The following COP1 variants were observed in gnomAD, a reference collection of about 807,000 sequenced individuals.
COP1 encodes E3 ubiquitin-protein ligase COP1.
In COP1, 24 loss-of-function variants were observed where a neutral mutation model predicts 101.3. The ratio of observed to expected loss-of-function variants is 0.24; its 90% CI spans 0.17 to 0.33. COP1 has a LOEUF of 0.33. COP1 is among the 10% of genes least tolerant of loss of function. The pLI is 1.00. For missense variants in COP1, 663 were observed against 906.2 expected (o/e 0.73, Z 3.45); for synonymous variants, 347 against 341.9 (o/e 1.01, Z -0.17).
At chr1:176,000,971 C>T (rs574251094) in intron 15 of COP1, among the ~76,000 whole-genome samples, 3 of 152,182 alleles carry the variant, frequency 2.0e-5, no homozygotes, top group East Asian at 3.9e-4. Flanking sequence ...CTCCTTTCCT[C>T]CCCAACCTTT....
intron 8 of COP1, among the ~76,000 whole-genome samples, chr1:176,122,779 T>C (rs1687359313): frequency 6.6e-6 from 1 of 152,202 alleles, no homozygotes. Flanking sequence ...GAGCAGCTCA[T>C]TTGAAAGTTT....
At chr1:175,996,310 T>C (rs1271016525) in intron 15 of COP1, among the ~76,000 whole-genome samples, 1 of 152,244 alleles carries the variant, frequency 6.6e-6, no homozygotes, top group Non-Finnish European at 1.5e-5. Context: ...GGGCAAAAAC[T>C]GGAAGCATTC....
chr1:176,043,800 A>T lies in COP1; in HGVS notation c.1440T>A (p.Ser480Arg). Residue 480 changes from serine to arginine, a missense_variant, in exon 13 of 20, where the codon AGT (serine) becomes AGA (arginine). Transcript: ENST00000367669. ...NSKISCISWSSYHKNLLASSD... is the reference protein window; with the variant it reads ...NSKISCISWSRYHKNLLASSD... The stretch of plus-strand genomic sequence containing the variant: ...TGCTAGCTAACAGGTTCTTATGGTA[A>T]CTACTCCAACTGATACAGCTGAAAG... 1.3e-6 allele frequency: 2 copies of T among 1,592,848 alleles called. No homozygotes were observed. Among genetic ancestry groups the T allele is most frequent in the Non-Finnish European group, 1.7e-6 (2 of 1,161,202 alleles).
intron 18 of COP1, among the ~76,000 whole-genome samples, chr1:175,951,808 T>G (rs1177421388): frequency 6.6e-6 from 1 of 152,092 alleles, no homozygotes; most frequent in Non-Finnish European, 1.5e-5. Flanking sequence ...CTCAGTGACC[T>G]ATTGGGCAAT....
intron 14 of COP1, among the ~76,000 whole-genome samples, chr1:176,032,491 G>A (rs1042756975): frequency 3.3e-5 from 5 of 152,060 alleles, no homozygotes; most frequent in African/African-American, 1.2e-4. Context: ...CAGTTTTGGA[G>A]GTCAAGAATC....
chr1:176,205,292 A>G (rs1344121347), intron 1 of COP1, among the ~76,000 whole-genome samples: 1 of 152,246 alleles, frequency 6.6e-6, no homozygotes, highest in Admixed American at 6.5e-5. Flanking sequence ...ATAAATAACA[A>G]TCATATTACA....
At chr1:176,206,189 C>T (rs1245530314) in intron 1 of COP1, among the ~76,000 whole-genome samples, 8 of 152,130 alleles carry the variant, frequency 5.3e-5, no homozygotes. Flanking sequence ...TCAACAAGGA[C>T]TCCTGATTGA....
intron 3 of COP1, among the ~76,000 whole-genome samples, chr1:176,171,519 G>A (rs1423921325): frequency 6.6e-6 from 1 of 152,142 alleles, no homozygotes; most frequent in African/African-American, 2.4e-5. Context: ...GTCTTCACTG[G>A]AGTAGCACTT....
intron 18 of COP1, among the ~76,000 whole-genome samples, chr1:175,949,494 G>C (rs1368081173): frequency 6.6e-6 from 1 of 152,124 alleles, no homozygotes; most frequent in Non-Finnish European, 1.5e-5. Flanking sequence ...GTGCAATATG[G>C]ATTTCTTTCT....
chr1:176,117,773 T>C (rs1329718488), intron 8 of COP1, among the ~76,000 whole-genome samples: 3 of 152,136 alleles, frequency 2.0e-5, no homozygotes, highest in Non-Finnish European at 2.9e-5. Context: ...CAAGCTCCTG[T>C]AATCCTAGCT....
intron 6 of COP1, among the ~76,000 whole-genome samples, chr1:176,137,879 A>G (rs1328319121): frequency 2.0e-5 from 3 of 152,268 alleles, no homozygotes; most frequent in Admixed American, 6.5e-5. Flanking sequence ...CTAAGTACTG[A>G]GAAGAACAGG....
At chr1:176,110,119 C>T (rs1005778334) in intron 9 of COP1, among the ~76,000 whole-genome samples, 19 of 152,176 alleles carry the variant, frequency 1.2e-4, no homozygotes, top group African/African-American at 4.6e-4. Flanking sequence ...CTCTAATTCA[C>T]ACAATGCAGA....
intron 1 of COP1, among the ~76,000 whole-genome samples, chr1:176,188,714 T>C (rs1698764111): frequency 6.6e-6 from 1 of 152,066 alleles, no homozygotes; most frequent in African/African-American, 2.4e-5. Context: ...AGCCACAAAT[T>C]GCACCCATAT....
intron 8 of COP1, among the ~76,000 whole-genome samples, chr1:176,129,052 T>C (rs1357045994): frequency 6.6e-6 from 1 of 151,932 alleles, no homozygotes; most frequent in Non-Finnish European, 1.5e-5. Flanking sequence ...ATGGGTAAAC[T>C]AGAGGAATTT....
At chr1:175,966,948 T>G (rs1365732565) in intron 18 of COP1, among the ~76,000 whole-genome samples, 1 of 152,146 alleles carries the variant, frequency 6.6e-6, no homozygotes, top group African/African-American at 2.4e-5. Context: ...AAATCCCAAT[T>G]TGAGATCTGG....
rs533547082 is a variant in COP1 at position 176,081,664 on chromosome 1, C to A, written c.1142-377G>T. Among the ~76,000 whole-genome samples, 3 of 152,058 alleles carry A rather than the reference C, an allele frequency of 2.0e-5. No individual in the cohort carries two copies. The South Asian group carries it at 6.2e-4, about 32-fold the overall frequency. ...ATGAGTATTTGTTAGTTTGAAGGAA[C>A]GTGTTTACTGGCACACATATTTATG... On this transcript the variant is annotated intron_variant, in intron 10 of 19. Coordinates refer to ENST00000367669, the MANE Select transcript of COP1 (RefSeq NM_022457.7).
At chr1:176,143,130 G>GAGAGAGAGAGAA (rs1690982775) in intron 6 of COP1, among the ~76,000 whole-genome samples, 1 of 147,712 alleles carries the variant, frequency 6.8e-6, no homozygotes, top group African/African-American at 2.6e-5. Context: ...AAGCGAGAGA[G>GAGAGAGAGAGAA]AGAGAGAGCG....
chr1:175,989,428 A>G lies in COP1; in HGVS notation c.1781T>C (p.Val594Ala). 1 of 1,610,670 alleles carries G rather than the reference A, an allele frequency of 6.2e-7. No homozygotes were observed. Among genetic ancestry groups the G allele is most frequent in the Non-Finnish European group, 8.5e-7 (1 of 1,176,880 alleles). Reference sequence around the variant, plus strand: ...GACTGCTTTACGGTGTCCTTTGAATACCATGATTGGCTGTTTAGTGTTACG... The same window carrying G: ...GACTGCTTTACGGTGTCCTTTGAATGCCATGATTGGCTGTTTAGTGTTACG... ...DLRNTKQPIM[V>A]FKGHRKAVSY... Residue 594 changes from valine to alanine, a missense_variant, in exon 16 of 20, where the codon GTA becomes GCA. This residue lies in a region of COP1 where 209 missense variants were observed against 383.3 expected (regional missense o/e 0.55). Transcript: ENST00000367669.
chr1:176,124,045 T>G (rs1243023876), intron 8 of COP1, among the ~76,000 whole-genome samples: 2 of 152,162 alleles, frequency 1.3e-5, no homozygotes, highest in African/African-American at 4.8e-5. Flanking sequence ...TCTTCACACC[T>G]CAGATTTCAG....
Sources: gnomAD v4.1 joint callset for allele counts (sites outside exome capture counted in the v4.1 genomes callset) on GRCh38, gnomAD v4.1.1 for gene constraint, gnomAD v4.1.1 regional missense constraint, MANE v1.5 for transcripts, NCBI Gene and HGNC (gene_info 2026-07-23, HGNC 2026-07-21) for gene names.